Variants in GBE1 observed in about 807,000 individuals in gnomAD.
The protein encoded by GBE1 is 1,4-alpha-glucan-branching enzyme.
GBE1 carries 70 observed loss-of-function variants against 88.8 expected under a neutral mutation model. The observed-to-expected ratio is 0.79, with a 90% CI of 0.65 to 0.96. The LOEUF (loss-of-function observed/expected upper bound fraction) is 0.96. Ranked by LOEUF, GBE1 falls within the 40% of genes least tolerant of loss-of-function variation. The probability of loss-of-function intolerance (pLI) is 0.00; values close to 1 mark genes in which losing one functional copy is unlikely to be tolerated. For synonymous variants in GBE1, 284 were observed against 300.1 expected, an observed-to-expected ratio of 0.95 and a Z score of 0.56; for missense variants, 872 against 871.0, an observed-to-expected ratio of 1.00 and a Z score of -0.01.
chr3:81,643,757 G>C (rs1024872691), intron 6 of GBE1, among the ~76,000 whole-genome samples: 2 of 152,070 alleles, frequency 1.3e-5, no homozygotes, highest in Non-Finnish European at 2.9e-5. Flanking sequence ...CTCATGATAT[G>C]GTACAGTGCT....
intron 2 of GBE1, among the ~76,000 whole-genome samples, chr3:81,702,278 A>G (rs1270175191): frequency 1.3e-5 from 2 of 151,818 alleles, no homozygotes; most frequent in African/African-American, 4.8e-5. Flanking sequence ...TTTTACAAAG[A>G]AACCTTCTAA....
intron 15 of GBE1, among the ~76,000 whole-genome samples, chr3:81,494,341 C>A (rs1488276043): frequency 1.3e-5 from 2 of 152,074 alleles, no homozygotes; most frequent in African/African-American, 4.8e-5. Flanking sequence ...CAGACATGAA[C>A]AATTTGGGGT....
intron 5 of GBE1, among the ~76,000 whole-genome samples, chr3:81,646,994 T>C (rs1246915284): frequency 6.6e-6 from 1 of 150,670 alleles, no homozygotes; most frequent in Non-Finnish European, 1.5e-5. Context: ...TCTCGCTCTG[T>C]TGCCCAGGCT....
intron 2 of GBE1, among the ~76,000 whole-genome samples, chr3:81,696,152 A>AAAT (rs1705590541): frequency 6.6e-6 from 1 of 152,226 alleles, no homozygotes; most frequent in Admixed American, 6.5e-5. Flanking sequence ...GAAAAGAGGA[A>AAAT]AATAATCTGA....
intron 12 of GBE1, among the ~76,000 whole-genome samples, chr3:81,571,905 A>T (rs190110767): frequency 2.5e-4 from 38 of 152,272 alleles, no homozygotes; most frequent in African/African-American, 5.1e-4. Flanking sequence ...GGTTATTTTT[A>T]AAAAAATTCT....
intron 14 of GBE1, among the ~76,000 whole-genome samples, chr3:81,504,045 A>G (rs1702623715): frequency 6.6e-6 from 1 of 152,088 alleles, no homozygotes; most frequent in African/African-American, 2.4e-5. Flanking sequence ...TCCTTTAAGC[A>G]ACCAGCTCTC....
chr3:81,759,167 A>G (rs1324410349), intron 1 of GBE1, among the ~76,000 whole-genome samples: 1 of 152,224 alleles, frequency 6.6e-6, no homozygotes, highest in Non-Finnish European at 1.5e-5. Context: ...TATCAGCAGC[A>G]TGAAAACGGA....
intron 14 of GBE1, among the ~76,000 whole-genome samples, chr3:81,509,904 A>C (rs951932390): frequency 3.3e-5 from 5 of 152,004 alleles, no homozygotes; most frequent in Admixed American, 1.3e-4. Context: ...ATAATATAAA[A>C]ATCCTTCATT....
At chr3:81,492,490 A>G (rs1354908636) in intron 15 of GBE1, among the ~76,000 whole-genome samples, 2 of 152,056 alleles carry the variant, frequency 1.3e-5, no homozygotes, top group Admixed American at 1.3e-4. Context: ...AAAAAAAAAC[A>G]GCCTGATTCA....
chr3:81,504,120 T>C (rs1296874149), intron 14 of GBE1, among the ~76,000 whole-genome samples: 1 of 152,114 alleles, frequency 6.6e-6, no homozygotes, highest in African/African-American at 2.4e-5. Context: ...GAATCCTCCC[T>C]CGTGTCCCAA....
chr3:81,529,368 A>T (rs2106860693), intron 14 of GBE1, among the ~76,000 whole-genome samples: 1 of 152,114 alleles, frequency 6.6e-6, no homozygotes, highest in East Asian at 1.9e-4. Context: ...AGGCCTTATC[A>T]TATTCCATAT....
At position 81,490,302 on chromosome 3, in the gene GBE1, T is replaced by C; in HGVS notation, c.*105A>G. On this transcript the variant is annotated 3_prime_UTR_variant, in exon 16 of 16. Coordinates refer to ENST00000429644, the MANE Select transcript of GBE1 (RefSeq NM_000158.4). ...AATTTCAGACACTTGATGGCTTGGC[T>C]AGACAACTGTATTCTGAAAAGCATA... The C allele has an allele frequency of 1.0e-6, 1 of 960,596 alleles. No individual in the cohort carries two copies. The highest frequency in any genetic ancestry group is 1.7e-6 in the Non-Finnish European group (1 of 602,516). The allele number at this position is 960,596 out of a possible 1,614,324, so 59.5% of individuals were successfully genotyped here.
At chr3:81,559,376 A>C (rs1314847108) in intron 12 of GBE1, among the ~76,000 whole-genome samples, 1 of 151,918 alleles carries the variant, frequency 6.6e-6, no homozygotes, top group Admixed American at 6.6e-5. Flanking sequence ...GACAATATGA[A>C]TAATGCAGTG....
chr3:81,491,676 T>C (rs938757356), intron 15 of GBE1, among the ~76,000 whole-genome samples: 5 of 152,148 alleles, frequency 3.3e-5, no homozygotes, highest in African/African-American at 1.2e-4. Flanking sequence ...GCTGATATTT[T>C]ACTATTTTCA....
intron 1 of GBE1, among the ~76,000 whole-genome samples, chr3:81,717,197 C>A (rs960183335): frequency 6.6e-6 from 1 of 152,120 alleles, no homozygotes; most frequent in African/African-American, 2.4e-5. Context: ...CTACTGATTT[C>A]TAGGAAGCAT....
chr3:81,569,489 T>G (rs972860344), intron 12 of GBE1, among the ~76,000 whole-genome samples: 1 of 152,212 alleles, frequency 6.6e-6, no homozygotes, highest in Non-Finnish European at 1.5e-5. Flanking sequence ...GTTCATGCCC[T>G]TGCCATTTAA....
chr3:81,608,760 T>C (rs1704134703), intron 7 of GBE1, among the ~76,000 whole-genome samples: 1 of 152,198 alleles, frequency 6.6e-6, no homozygotes, highest in Non-Finnish European at 1.5e-5. Context: ...CAGTGCTTTA[T>C]CCATATAATC....
rs778562650 is a variant in GBE1, at chr3:81,490,463, C to A, written c.2053G>T (p.Val685Leu). 6 of 1,612,194 alleles carry A rather than the reference C, an allele frequency of 3.7e-6. No homozygotes were observed. In the Admixed American group the frequency reaches 1.0e-4, roughly 27 times the overall value. The change falls in exon 16 of 16, where the codon GTG (valine) becomes TTG (leucine). Residue 685 changes from valine (V) to leucine (L), a missense_variant and splice_region_variant. Val to Leu is a conservative substitution (Grantham distance 32, BLOSUM62 1). Transcript: ENST00000429644. ...AGGGCCACTCTGCTTGGAATGTACA[C>A]CTACGTCAAAACAATTATGTCAGTG... ...EHNGRPYSLL[V>L]YIPSRVALIL... is the part of the protein sequence containing the mutation.
chr3:81,495,876 T>C (rs531001961), intron 15 of GBE1, among the ~76,000 whole-genome samples: 118 of 152,296 alleles, frequency 7.7e-4, no homozygotes, highest in African/African-American at 2.8e-3. Flanking sequence ...TGAGAGTAAA[T>C]ACATCTACTT....
Sources: allele counts gnomAD v4.1 joint callset (sites outside exome capture counted in the v4.1 genomes callset), GRCh38; gene constraint gnomAD v4.1.1; transcripts MANE v1.5; gene names NCBI Gene and HGNC (gene_info 2026-07-23, HGNC 2026-07-21).